Variants in ASAP1 observed in about 807,000 individuals in gnomAD.
ASAP1 encodes arf-GAP with SH3 domain, ANK repeat and PH domain-containing protein 1.
A neutral mutation model predicts 145.2 loss-of-function variants in ASAP1; 43 were observed. The observed-to-expected ratio is 0.30, with a 90% CI of 0.23 to 0.38. ASAP1 has a LOEUF of 0.38. Among genes scored for constraint, ASAP1 ranks in the 10% least tolerant of loss-of-function variants. The pLI, the probability that ASAP1 is intolerant of heterozygous loss-of-function variation, is 1.00. For synonymous variants in ASAP1, 546 were observed against 515.5 expected (o/e 1.06, Z -0.80); for missense variants, 1,018 against 1,355.3 (o/e 0.75, Z 3.91).
At chr8:130,271,274 G>C in intron 3 of ASAP1, among the ~76,000 whole-genome samples, 1 of 152,178 alleles carries the variant, frequency 6.6e-6, no homozygotes, top group South Asian at 2.1e-4. Flanking sequence ...TCATGTTAAA[G>C]GGGCAGTTTA....
At chr8:130,286,407 T>TA (rs1565173031) in intron 3 of ASAP1, among the ~76,000 whole-genome samples, 2 of 152,340 alleles carry the variant, frequency 1.3e-5, no homozygotes, top group South Asian at 2.1e-4. Context: ...GTCCATCACT[T>TA]ACTTTGATAT....
intron 3 of ASAP1, 69 bp from the exon 4 acceptor site, chr8:130,237,063 C>T (rs1006845168): frequency 8.2e-7 from 1 of 1,218,338 alleles, no homozygotes; most frequent in Non-Finnish European, 1.1e-6. Context: ...AAGAAAAATT[C>T]ATTTGTAATT....
intron 1 of ASAP1, among the ~76,000 whole-genome samples, chr8:130,402,437 T>C (rs958417334): frequency 6.6e-6 from 1 of 152,234 alleles, no homozygotes; most frequent in African/African-American, 2.4e-5. Flanking sequence ...ACAGCCCCTC[T>C]GAACCTGGGA....
At chr8:130,185,792 T>C (rs1814684009) in intron 7 of ASAP1, among the ~76,000 whole-genome samples, 2 of 148,868 alleles carry the variant, frequency 1.3e-5, no homozygotes, top group Admixed American at 6.7e-5. Flanking sequence ...CAAGTTCATA[T>C]GTTGAGTGAG....
intron 1 of ASAP1, among the ~76,000 whole-genome samples, chr8:130,430,646 T>A (rs1316666758): frequency 6.6e-6 from 1 of 151,626 alleles, no homozygotes; most frequent in Non-Finnish European, 1.5e-5. Flanking sequence ...GGCAGTGAGG[T>A]AGGAGAGGGT....
At chr8:130,088,139 A>AT (rs554032373) in intron 25 of ASAP1, among the ~76,000 whole-genome samples, 194 of 151,954 alleles carry the variant, frequency 1.3e-3, no homozygotes, top group Non-Finnish European at 2.2e-3. Context: ...CAAGGAGATT[A>AT]TTTTTTTTGA....
At chr8:130,086,250 C>T (rs556227731) in intron 25 of ASAP1, among the ~76,000 whole-genome samples, 9 of 152,332 alleles carry the variant, frequency 5.9e-5, no homozygotes, top group African/African-American at 1.9e-4. Context: ...CTGGCCCCCA[C>T]GTACTAGCTG....
intron 3 of ASAP1, among the ~76,000 whole-genome samples, chr8:130,324,132 G>A (rs895046468): frequency 2.6e-5 from 4 of 152,104 alleles, no homozygotes; most frequent in Admixed American, 2.6e-4. Flanking sequence ...TTCTGTAAAG[G>A]GCCTGTGAGT....
chr8:130,145,349 G>A (rs1430046583), intron 13 of ASAP1, among the ~76,000 whole-genome samples: 3 of 152,004 alleles, frequency 2.0e-5, no homozygotes, highest in Non-Finnish European at 1.5e-5. Context: ...ACGGAGTCTC[G>A]CTCTGTTGCC....
chr8:130,428,099 C>G (rs968775587), intron 1 of ASAP1, among the ~76,000 whole-genome samples: 6 of 152,172 alleles, frequency 3.9e-5, no homozygotes, highest in Non-Finnish European at 5.9e-5. Flanking sequence ...GGGCCACCAT[C>G]TGAGAGAACT....
chr8:130,376,776 G>A (rs977698169), intron 2 of ASAP1, among the ~76,000 whole-genome samples: 2 of 151,546 alleles, frequency 1.3e-5, no homozygotes, highest in African/African-American at 2.4e-5. Context: ...GGTGGCAGGC[G>A]CTTGTAATCC....
chr8:130,311,240 C>T (rs1003502816), intron 3 of ASAP1, among the ~76,000 whole-genome samples: 1 of 152,194 alleles, frequency 6.6e-6, no homozygotes, highest in Non-Finnish European at 1.5e-5. Flanking sequence ...ATTCTCTTCT[C>T]TGTATTTTGC....
intron 10 of ASAP1, 26 bp downstream of exon 10, chr8:130,168,966 C>T (rs1398331166): frequency 2.2e-6 from 3 of 1,349,636 alleles, no homozygotes; most frequent in Non-Finnish European, 3.1e-6. Context: ...GCAAGTTAAA[C>T]TGCATGTATT....
intron 19 of ASAP1, 22 bp from the exon 20 acceptor site, chr8:130,118,268 T>C: frequency 6.2e-7 from 1 of 1,609,384 alleles, no homozygotes; most frequent in Non-Finnish European, 8.5e-7. Context: ...AAGAAAAGTA[T>C]AAGTAAGTCA....
chr8:130,167,345 G>A, intron 11 of ASAP1, 191 bp downstream of exon 11: 1 of 714,610 alleles, frequency 1.4e-6, no homozygotes, highest in Non-Finnish European at 2.6e-6. Context: ...CATGGAATTG[G>A]ATACCCAGAA....
intron 3 of ASAP1, among the ~76,000 whole-genome samples, chr8:130,262,841 T>C (rs1820021975): frequency 1.3e-5 from 2 of 152,148 alleles, no homozygotes; most frequent in Admixed American, 1.3e-4. Context: ...AAAGACAGGA[T>C]TTCCTTGAAT....
At chr8:130,257,047 C>A (rs1212810895) in intron 3 of ASAP1, among the ~76,000 whole-genome samples, 1 of 151,564 alleles carries the variant, frequency 6.6e-6, no homozygotes, top group Non-Finnish European at 1.5e-5. Flanking sequence ...TTCTTATAAC[C>A]CATAATTTTA....
chr8:130,203,813 A>C (rs1270134449), intron 5 of ASAP1, among the ~76,000 whole-genome samples: 1 of 152,214 alleles, frequency 6.6e-6, no homozygotes, highest in Non-Finnish European at 1.5e-5. Context: ...AGAGCTCTGG[A>C]GGCTTCTGGG....
Position 130,058,200 on chromosome 8 carries a change from C to T in ASAP1, c.3193-124G>A, listed in dbSNP as rs1350926996. ...ACCTCGCTGAGCCTTGATTTCCTCA[C>T]CCTTGAAGGGCGGGAAGAAGAGTGT... is the stretch of plus-strand genomic sequence containing the variant. On this transcript the variant is annotated intron_variant, in intron 28 of 29. Transcript: ENST00000518721. The T allele has an allele frequency of 3.8e-6, 4 of 1,047,432 alleles. No homozygotes were observed. The African/African-American group carries it at 6.4e-5, about 17-fold the overall frequency. 64.9% of individuals were successfully genotyped at this position (1,047,432 alleles called of 1,614,324 possible). A position where few individuals can be genotyped will look rare whatever the true frequency, so the allele number is the denominator to read the frequency against.
Sources: gnomAD v4.1 joint callset for allele counts (sites outside exome capture counted in the v4.1 genomes callset) on GRCh38, gnomAD v4.1.1 for gene constraint, MANE v1.5 for transcripts, NCBI Gene and HGNC (gene_info 2026-07-23, HGNC 2026-07-21) for gene names.